Variants in GATA4 observed in about 807,000 individuals in gnomAD.
The protein encoded by GATA4 is GATA binding protein 4.
GATA4 carries 7 observed loss-of-function variants against 37.9 expected under a neutral mutation model. The ratio of observed to expected loss-of-function variants is 0.18; its 90% confidence interval spans 0.11 to 0.35. GATA4 has a LOEUF of 0.35. Ranked by LOEUF, GATA4 falls within the 10% of genes least tolerant of loss-of-function variation. The probability of loss-of-function intolerance (pLI) is 1.00; values close to 1 mark genes in which losing one functional copy is unlikely to be tolerated. For synonymous variants in GATA4, 372 were observed against 292.6 expected (o/e 1.27, Z -2.77); for missense variants, 647 against 653.0 (o/e 0.99, Z 0.10).
At chr8:11,720,586 T>C (rs1585622685) in intron 2 of GATA4, among the ~76,000 whole-genome samples, 1 of 152,176 alleles carries the variant, frequency 6.6e-6, no homozygotes, top group South Asian at 2.1e-4. Flanking sequence ...TCTTTTCTAC[T>C]CGTCTCCCTC....
rs936396267 is a variant in GATA4 at position 11,749,513 on chromosome 8, C to G, written c.786+428C>G. 6.6e-6 allele frequency among the ~76,000 whole-genome samples: 1 copy of G among 152,204 alleles called. No individual in the cohort carries two copies. The highest frequency in any genetic ancestry group is 2.4e-5 in the African/African-American group (1 of 41,466). On this transcript the variant is annotated intron_variant, in intron 3 of 6. Coordinates refer to ENST00000532059, the MANE Select transcript of GATA4 (RefSeq NM_001308093.3). The surrounding 1 kb of genome is among the most constrained non-coding windows in gnomAD (Gnocchi z 4.6). ...GTTGATCAGTTGATAAATCCCAAAG[C>G]CCAGAAGTGCAAGCAGCTTGTGTTG...
intron 2 of GATA4, among the ~76,000 whole-genome samples, chr8:11,718,303 G>T (rs559392662): frequency 2.6e-5 from 4 of 152,184 alleles, no homozygotes. Context: ...ATTGAGCCAC[G>T]ATATTCAAGT....
upstream of GATA4, among the ~76,000 whole-genome samples, chr8:11,689,661 C>A (rs779939113): frequency 2.6e-5 from 4 of 152,154 alleles, no homozygotes; most frequent in Non-Finnish European, 5.9e-5. Flanking sequence ...CTATGACCTC[C>A]CTTTACCTCA....
At chr8:11,741,088 C>T (rs949391038) in intron 2 of GATA4, among the ~76,000 whole-genome samples, 1 of 152,076 alleles carries the variant, frequency 6.6e-6, no homozygotes. Flanking sequence ...TGGGAAGGGG[C>T]CATGGTGACC....
rs1192993648 is a variant in GATA4, at chr8:11,749,934, C to A, written c.787-177C>A. Among the ~76,000 whole-genome samples, 7 of 152,224 alleles carry A rather than the reference C, an allele frequency of 4.6e-5. No individual in the cohort carries two copies. The highest frequency in any genetic ancestry group is 8.8e-5 in the Non-Finnish European group (6 of 68,030). On this transcript the variant is annotated intron_variant, in intron 3 of 6. Coordinates refer to ENST00000532059, the MANE Select transcript of GATA4 (RefSeq NM_001308093.3). The surrounding 1 kb of genome is among the most constrained non-coding windows in gnomAD (Gnocchi z 4.6). ...AAACCTTGTTCTGATTTATTCCTCG[C>A]AGTGGCGCAGGTGACAGGAGAGTTA...
chr8:11,740,406 A>T (rs1210830575), intron 2 of GATA4, among the ~76,000 whole-genome samples: 6 of 152,240 alleles, frequency 3.9e-5, no homozygotes, highest in African/African-American at 1.4e-4. Context: ...GGTAGGTCAC[A>T]GGGCTCCCAT....
chr8:11,707,939 T>G lies in GATA4; in HGVS notation c.-374T>G, dbSNP rs1799968007. The G allele has an allele frequency of 3.1e-6, 1 of 324,424 alleles. No individual in the cohort carries two copies. Among genetic ancestry groups the G allele is most frequent in the East Asian group, 9.9e-5 (1 of 10,142 alleles). The allele number at this position is 324,424 out of a possible 1,614,324, so 20.1% of individuals were successfully genotyped here. On this transcript the variant is annotated 5_prime_UTR_variant, in exon 2 of 7. Transcript: ENST00000532059. This position sits in a 1 kb window ranked among gnomAD's most constrained non-coding sequence, Gnocchi z 4.7. ...CGGGTGTCCTGGAGGCCTCTCGGTGTGACGAGTGGGGGACCCGAAGGCTCG... is the reference window on the plus strand; with the variant it reads ...CGGGTGTCCTGGAGGCCTCTCGGTGGGACGAGTGGGGGACCCGAAGGCTCG...
At chr8:11,752,966 T>C (rs747163389) in intron 4 of GATA4, among the ~76,000 whole-genome samples, 2 of 152,180 alleles carry the variant, frequency 1.3e-5, no homozygotes, top group Non-Finnish European at 1.5e-5. Context: ...AAGAAACTTA[T>C]TGGGAAATAT....
intron 2 of GATA4, among the ~76,000 whole-genome samples, chr8:11,746,535 C>T (rs1802039444): frequency 1.3e-5 from 2 of 152,214 alleles, no homozygotes; most frequent in South Asian, 4.1e-4. Context: ...ATTGCGAACA[C>T]CCAACAAAAC....
At chr8:11,703,451 C>T (rs1016236800), upstream of GATA4, among the ~76,000 whole-genome samples, 1 of 152,146 alleles carries the variant, frequency 6.6e-6, no homozygotes, top group Non-Finnish European at 1.5e-5. Flanking sequence ...TCCCCTGGAC[C>T]GCCTGGCTCC....
intron 4 of GATA4, 38 bp downstream of exon 4, chr8:11,750,274 C>T: frequency 6.2e-7 from 1 of 1,608,990 alleles, no homozygotes. Context: ...TCCTTGCCTT[C>T]TGATGCCCAT....
In GATA4 at chr8:11,755,199, T is replaced by C. The variant is rs113716977; in HGVS notation, c.1000+66T>C. On this transcript the variant is annotated intron_variant, in intron 5 of 6. Transcript: ENST00000532059. ...GAGCCCTCAGAGTGCCTAAGAATCA[T>C]ATCTTCCGGGTTAGGCAGGCCAGCC... 2.7e-5 allele frequency: 36 copies of C among 1,355,544 alleles called. No individual in the cohort carries two copies. The African/African-American group carries it at 3.0e-4, about 11-fold the overall frequency. 84.0% of individuals were successfully genotyped at this position (1,355,544 alleles called of 1,614,324 possible). A position where few individuals can be genotyped will look rare whatever the true frequency, so the allele number is the denominator to read the frequency against.
chr8:11,732,869 A>G (rs1419204231), intron 2 of GATA4, among the ~76,000 whole-genome samples: 1 of 152,226 alleles, frequency 6.6e-6, no homozygotes, highest in African/African-American at 2.4e-5. Flanking sequence ...GCCGAATATA[A>G]TATAAATCCA....
chr8:11,747,982 C>T (rs775148004), intron 2 of GATA4, among the ~76,000 whole-genome samples: 5 of 152,182 alleles, frequency 3.3e-5, no homozygotes, highest in Non-Finnish European at 5.9e-5. Context: ...TCACCCAGTA[C>T]TTTGGGAGGC....
At chr8:11,746,641 C>T (rs1038377032) in intron 2 of GATA4, among the ~76,000 whole-genome samples, 8 of 152,214 alleles carry the variant, frequency 5.3e-5, no homozygotes, top group African/African-American at 1.7e-4. Context: ...CATGGGCAGG[C>T]CTGGATGAAA....
chr8:11,678,509 C>T (rs1220919265), intron 1 of GATA4, among the ~76,000 whole-genome samples: 3 of 152,174 alleles, frequency 2.0e-5, no homozygotes, highest in Admixed American at 2.0e-4. Context: ...CTTCTGTACG[C>T]TGTCCAAAAA....
intron 6 of GATA4, 63 bp downstream of exon 6, chr8:11,757,146 G>T: frequency 6.2e-7 from 1 of 1,602,990 alleles, no homozygotes; most frequent in South Asian, 1.1e-5. Context: ...AGTCCCAGAG[G>T]CCAGCCTAGT....
At chr8:11,692,909 C>G (rs1799367661) in intron 1 of GATA4, 2 of 983,784 alleles carry the variant, frequency 2.0e-6, no homozygotes. Flanking sequence ...CCTCCAGCCG[C>G]CTGGGGTTCC....
chr8:11,686,439 G>A (rs1195632978), intron 1 of GATA4, among the ~76,000 whole-genome samples: 1 of 152,056 alleles, frequency 6.6e-6, no homozygotes, highest in East Asian at 1.9e-4. Context: ...GCCTTCGTTG[G>A]TTGGGTGGGT....
Sources: allele counts gnomAD v4.1 joint callset (sites outside exome capture counted in the v4.1 genomes callset), GRCh38; gene constraint gnomAD v4.1.1; non-coding constraint Gnocchi (gnomAD v3.1); transcripts MANE v1.5; gene names NCBI Gene and HGNC (gene_info 2026-07-23, HGNC 2026-07-21).